Variants in CHCHD6 observed in about 807,000 individuals in gnomAD.
CHCHD6 encodes the protein MICOS complex subunit MIC25.
In CHCHD6, 28 loss-of-function variants were observed where a neutral mutation model predicts 32.3. The ratio of observed to expected loss-of-function variants is 0.87; its 90% CI spans 0.64 to 1.19. The LOEUF is 1.19. Among genes scored for constraint, CHCHD6 ranks in the 50% most tolerant of loss-of-function variants. The pLI, the probability that CHCHD6 is intolerant of heterozygous loss-of-function variation, is 0.00. For synonymous variants in CHCHD6, 122 were observed against 117.5 expected, an observed-to-expected ratio of 1.04 and a Z score of -0.25; for missense variants, 333 against 307.0, an observed-to-expected ratio of 1.08 and a Z score of -0.63.
rs115636437 is a variant in CHCHD6, at chr3:126,707,568, C to G, written c.87+3169C>G. ...ACATGAGCCGCCCTTTTTGGTGATT[C>G]AGCTGATGTTGGTTGCTTGTGAGCA... On this transcript the variant is annotated intron_variant, in intron 1 of 7. Transcript: ENST00000290913. 3.4e-3 allele frequency among the ~76,000 whole-genome samples: 515 copies of G among 152,326 alleles called. 4 individuals are homozygous for G. The highest frequency in any genetic ancestry group is 0.012 in the African/African-American group (485 of 41,572).
intron 4 of CHCHD6, among the ~76,000 whole-genome samples, chr3:126,792,643 G>T (rs1203021341): frequency 1.3e-5 from 2 of 151,886 alleles, no homozygotes; most frequent in Non-Finnish European, 2.9e-5. Context: ...CAATTAATTT[G>T]CATTTTAGTG....
intron 4 of CHCHD6, among the ~76,000 whole-genome samples, chr3:126,849,551 C>T (rs539677839): frequency 6.6e-6 from 1 of 152,326 alleles, no homozygotes; most frequent in East Asian, 1.9e-4. Context: ...CTGTCATCTG[C>T]TAAGTACATG....
At chr3:126,874,200 C>A (rs2077512533) in intron 5 of CHCHD6, among the ~76,000 whole-genome samples, 1 of 152,210 alleles carries the variant, frequency 6.6e-6, no homozygotes, top group Admixed American at 6.5e-5. Context: ...TGTGCCTTAC[C>A]ACTTACTCTA....
At position 126,707,453 on chromosome 3, in the gene CHCHD6, A is replaced by T. The variant is rs1471758294; in HGVS notation, c.87+3054A>T. Among the ~76,000 whole-genome samples the T allele has an allele frequency of 3.3e-5, 5 of 152,308 alleles. No individual in the cohort carries two copies. In the South Asian group the frequency reaches 1.0e-3, roughly 32 times the overall value. ...GTGAAATACGTAAAGATTTTGTTTT[A>T]ACCAGTACATTTAACCTCATCCTTC... On this transcript the variant is annotated intron_variant, in intron 1 of 7. Coordinates refer to ENST00000290913, the MANE Select transcript of CHCHD6 (RefSeq NM_032343.3).
At chr3:126,764,891 A>AG (rs1267696828) in intron 4 of CHCHD6, among the ~76,000 whole-genome samples, 6 of 152,142 alleles carry the variant, frequency 3.9e-5, no homozygotes, top group Non-Finnish European at 8.8e-5. Context: ...TACTGATTGA[A>AG]CACAGAACAC....
intron 4 of CHCHD6, among the ~76,000 whole-genome samples, chr3:126,805,795 C>A (rs1359967311): frequency 3.3e-5 from 5 of 152,182 alleles, no homozygotes; most frequent in Non-Finnish European, 7.3e-5. Flanking sequence ...TACCTGACTT[C>A]AAACTATACT....
At chr3:126,788,328 T>G (rs1223258386) in intron 4 of CHCHD6, among the ~76,000 whole-genome samples, 2 of 152,242 alleles carry the variant, frequency 1.3e-5, no homozygotes, top group Non-Finnish European at 2.9e-5. Flanking sequence ...ATCAGGATGA[T>G]GCTGGCCTCA....
At chr3:126,829,386 T>G (rs946783284) in intron 4 of CHCHD6, among the ~76,000 whole-genome samples, 12 of 152,198 alleles carry the variant, frequency 7.9e-5, no homozygotes, top group Middle Eastern at 3.4e-3. Context: ...CACCTGGTAC[T>G]ATTTCCTGCT....
At chr3:126,747,197 TCTAA>T (rs1936541420) in intron 4 of CHCHD6, among the ~76,000 whole-genome samples, 1 of 152,226 alleles carries the variant, frequency 6.6e-6, no homozygotes, top group South Asian at 2.1e-4. Context: ...CCTCAGTTTC[TCTAA>T]CTGAGGTCTG....
intron 4 of CHCHD6, among the ~76,000 whole-genome samples, chr3:126,795,631 T>G (rs1351603281): frequency 1.3e-5 from 2 of 152,144 alleles, no homozygotes; most frequent in Non-Finnish European, 2.9e-5. Flanking sequence ...GGAGAGTTCT[T>G]TTTCAGTCTC....
rs554963335 is a variant in CHCHD6, at chr3:126,853,581, A to G, written c.495+851A>G. Among the ~76,000 whole-genome samples the G allele has an allele frequency of 1.1e-4, 16 of 152,236 alleles. No individual in the cohort carries two copies. In the East Asian group the frequency reaches 3.1e-3, roughly 29 times the overall value. On this transcript the variant is annotated intron_variant, in intron 5 of 7. Transcript: ENST00000290913. ...CATGCCACAGTGGAGGCTGACAGAA[A>G]TATGGGTTTCTGGATTTCCAGGCCA...
chr3:126,922,847 G>A (rs1488868850), intron 6 of CHCHD6, among the ~76,000 whole-genome samples: 2 of 152,246 alleles, frequency 1.3e-5, no homozygotes, highest in Non-Finnish European at 2.9e-5. Context: ...CATGGAGAGA[G>A]AGTTGACCAA....
At chr3:126,914,774 T>C (rs1225268290) in intron 6 of CHCHD6, 24 bp downstream of exon 6, 2 of 1,394,536 alleles carry the variant, frequency 1.4e-6, no homozygotes, top group African/African-American at 2.8e-5. Flanking sequence ...TATTATTCTT[T>C]GTAAACTTGG....
intron 4 of CHCHD6, among the ~76,000 whole-genome samples, chr3:126,812,267 T>C (rs977444498): frequency 6.7e-6 from 1 of 149,802 alleles, no homozygotes; most frequent in African/African-American, 2.5e-5. Context: ...TTGGTTTTCC[T>C]CCCTCCCCTT....
chr3:126,850,463 A>G (rs1470116930), intron 4 of CHCHD6, among the ~76,000 whole-genome samples: 1 of 152,204 alleles, frequency 6.6e-6, no homozygotes, highest in Non-Finnish European at 1.5e-5. Context: ...CCTGCGTCCC[A>G]TTCATCACAT....
At chr3:126,935,987 A>ATCC (rs2078475294) in intron 6 of CHCHD6, among the ~76,000 whole-genome samples, 2 of 152,228 alleles carry the variant, frequency 1.3e-5, no homozygotes, top group Non-Finnish European at 2.9e-5. Context: ...TGGCCCAGGA[A>ATCC]ATCCATAGAT....
At chr3:126,766,118 C>T (rs1408540142) in intron 4 of CHCHD6, among the ~76,000 whole-genome samples, 1 of 151,370 alleles carries the variant, frequency 6.6e-6, no homozygotes, top group African/African-American at 2.4e-5. Context: ...GGAGTGTATT[C>T]AGGAGAGGAA....
chr3:126,879,553 G>A (rs2107572166), intron 5 of CHCHD6, among the ~76,000 whole-genome samples: 1 of 152,324 alleles, frequency 6.6e-6, no homozygotes, highest in Middle Eastern at 3.4e-3. Flanking sequence ...AAAGTTATCA[G>A]TTTCACAAGA....
At chr3:126,951,240 C>T (rs757885657) in intron 6 of CHCHD6, among the ~76,000 whole-genome samples, 2 of 152,224 alleles carry the variant, frequency 1.3e-5, no homozygotes, top group Non-Finnish European at 2.9e-5. Flanking sequence ...TGTAAGTTTC[C>T]TGAGGCCTCA....
Sources: gnomAD v4.1 joint callset for allele counts (sites outside exome capture counted in the v4.1 genomes callset) on GRCh38, gnomAD v4.1.1 for gene constraint, MANE v1.5 for transcripts, NCBI Gene and HGNC (gene_info 2026-07-23, HGNC 2026-07-21) for gene names.